ODAPH: variants seen among roughly 807,000 people sequenced by gnomAD.
ODAPH encodes amelogenesis imperfecta type IIA4.
A neutral mutation model predicts 2.8 loss-of-function variants in ODAPH; 2 were observed. The ratio of observed to expected loss-of-function variants is 0.72; its 90% CI spans 0.30 to 2.28. The LOEUF (loss-of-function observed/expected upper bound fraction) is 2.28, where lower values mean the gene tolerates loss of function less well. ODAPH is among the 30% of genes most tolerant of loss of function. ODAPH has a pLI of 0.13. For synonymous variants in ODAPH, 75 were observed against 60.3 expected (o/e 1.24, Z -1.13); for missense variants, 159 against 163.3 (o/e 0.97, Z 0.14).
intron 1 of ODAPH, 136 bp from the exon 2 acceptor site, chr4:75,563,978 G>A (rs898589008): frequency 5.4e-6 from 4 of 740,120 alleles, no homozygotes; most frequent in African/African-American, 3.5e-5. Context: ...TTCATTGAAC[G>A]TTGGCAGTTC....
intron 1 of ODAPH, chr4:75,563,090 T>A (rs375069567): frequency 7.6e-6 from 1 of 132,152 alleles, no homozygotes; most frequent in East Asian, 2.5e-4. Context: ...AGTGGCACGA[T>A]CTTCGGCTCA....
At chr4:75,556,213 AC>A in intron 1 of ODAPH, 64 bp downstream of exon 1, 2 of 1,454,218 alleles carry the variant, frequency 1.4e-6, no homozygotes. Context: ...AAAAGACAAA[AC>A]TGGCTCCATG....
intron 1 of ODAPH, among the ~76,000 whole-genome samples, chr4:75,561,263 T>C (rs1286062519): frequency 6.8e-6 from 1 of 147,830 alleles, no homozygotes; most frequent in Non-Finnish European, 1.5e-5. Context: ...GCTTCTCTCC[T>C]AGCGACTAGA....
intron 1 of ODAPH, among the ~76,000 whole-genome samples, chr4:75,559,923 TCA>T (rs1727492213): frequency 6.6e-6 from 1 of 152,172 alleles, no homozygotes; most frequent in South Asian, 2.1e-4. Context: ...GAAAGTGGAC[TCA>T]CAGGGTGCTA....
At position 75,556,141 on chromosome 4, in the gene ODAPH, T is replaced by C. The variant is rs1454944446; in HGVS notation, c.59T>C (p.Val20Ala). ...CTGGTATGCTGGTTGGTGGTAACTGTGGCAGAAGGTAAGGGTTTTGCTTTT... is the reference window on the plus strand; with the variant it reads ...CTGGTATGCTGGTTGGTGGTAACTGCGGCAGAAGGTAAGGGTTTTGCTTTT... ...WLLVCWLVVT[V>A]AEGQEEVFTP... The change falls in exon 1 of 2, where the codon GTG becomes GCG. Residue 20 changes from valine to alanine, a missense_variant. Transcript: ENST00000311623. 1 of 1,614,084 alleles carries C rather than the reference T, an allele frequency of 6.2e-7. No homozygotes were observed. Among genetic ancestry groups the C allele is most frequent in the African/African-American group, 1.3e-5 (1 of 74,942 alleles).
chr4:75,563,005 C>CTTTTTTTTTTTTTTTTTTTT (rs542417085), intron 1 of ODAPH, among the ~76,000 whole-genome samples: 1 of 59,536 alleles, frequency 1.7e-5, no homozygotes, highest in African/African-American at 6.3e-5. Context: ...ATCCACACAT[C>CTTTTTTTTTTTTTTTTTTTT]TTTTTTTTTT....
chr4:75,561,048 T>C (rs1319583583), intron 1 of ODAPH, among the ~76,000 whole-genome samples: 4 of 151,814 alleles, frequency 2.6e-5, no homozygotes, highest in African/African-American at 4.8e-5. Flanking sequence ...AAACCTCGTC[T>C]CTACTAAAAG....
chr4:75,563,999 A>G, intron 1 of ODAPH, 115 bp from the exon 2 acceptor site: 2 of 903,184 alleles, frequency 2.2e-6, no homozygotes, highest in Non-Finnish European at 3.5e-6. Flanking sequence ...TTTCAAATAT[A>G]CATTGAGATT....
rs756386294 is a variant in ODAPH at position 75,564,497 on chromosome 4, G to T, written c.*58G>T. 6.2e-7 allele frequency: 1 copy of T among 1,612,824 alleles called. No individual in the cohort carries two copies. The highest frequency in any genetic ancestry group is 8.5e-7 in the Non-Finnish European group (1 of 1,179,896). On this transcript the variant is annotated 3_prime_UTR_variant, in exon 2 of 2. Coordinates refer to ENST00000311623, the MANE Select transcript of ODAPH (RefSeq NM_178497.5). ...AAAAAAGCCTATCCTTCAGAAAAAA[G>T]CAACAAAAAGATTTCTGTTTTATCT...
In ODAPH at chr4:75,556,131, G is replaced by GTATGC. The variant is rs775736510; in HGVS notation, c.50_51insATGCT (p.Val18CysfsTer3). On this transcript the variant is annotated frameshift_variant, in exon 1 of 2. Transcript: ENST00000311623. LOFTEE classifies it low-confidence loss of function (END_TRUNC). Reference sequence around the variant, plus strand: ...CTACTGGTTACTGGTATGCTGGTTGGTGGTAACTGTGGCAGAAGGTAAGGG... The same window carrying GTATGC: ...CTACTGGTTACTGGTATGCTGGTTGGTATGCTGGTAACTGTGGCAGAAGGTAAGGG... The GTATGC allele has an allele frequency of 2.1e-4, 337 of 1,614,062 alleles. No individual in the cohort carries two copies. Among genetic ancestry groups the GTATGC allele is most frequent in the Non-Finnish European group, 2.6e-4 (304 of 1,180,024 alleles).
intron 1 of ODAPH, among the ~76,000 whole-genome samples, chr4:75,558,615 A>G (rs1727440273): frequency 6.6e-6 from 1 of 152,212 alleles, no homozygotes; most frequent in Non-Finnish European, 1.5e-5. Context: ...ACTATAATAA[A>G]CCACCTTAAA....
chr4:75,562,387 T>G (rs1429007864), intron 1 of ODAPH, among the ~76,000 whole-genome samples: 1 of 151,000 alleles, frequency 6.6e-6, no homozygotes, highest in Non-Finnish European at 1.5e-5. Flanking sequence ...TTGCCCAGGC[T>G]GGAGTGCAAT....
chr4:75,558,509 T>C (rs1677541853), intron 1 of ODAPH, among the ~76,000 whole-genome samples: 1 of 135,894 alleles, frequency 7.4e-6, no homozygotes, highest in Admixed American at 7.4e-5. Context: ...GTATAGGTAA[T>C]TATAAAAAAA....
chr4:75,559,852 A>T (rs1727489414), intron 1 of ODAPH, among the ~76,000 whole-genome samples: 1 of 152,256 alleles, frequency 6.6e-6, no homozygotes, highest in African/African-American at 2.4e-5. Flanking sequence ...GGTCACGTAG[A>T]TCTTTCAGTG....
intron 1 of ODAPH, among the ~76,000 whole-genome samples, chr4:75,561,087 G>A (rs1368310888): frequency 6.6e-6 from 1 of 152,092 alleles, no homozygotes; most frequent in East Asian, 1.9e-4. Context: ...AGCCGGGCGT[G>A]GTGGCGCGCG....
chr4:75,564,826 C>T (rs1000094572), downstream of ODAPH: 4 of 376,090 alleles, frequency 1.1e-5, no homozygotes, highest in African/African-American at 6.3e-5. Context: ...CACGAAGAAA[C>T]TGATGACACC....
At chr4:75,561,027 C>A (rs1006731332) in intron 1 of ODAPH, among the ~76,000 whole-genome samples, 1 of 152,050 alleles carries the variant, frequency 6.6e-6, no homozygotes, top group Non-Finnish European at 1.5e-5. Flanking sequence ...ACCAGCCTGG[C>A]TAACACGGTG....
chr4:75,564,916 C>A, downstream of ODAPH: 1 of 210,936 alleles, frequency 4.7e-6, no homozygotes, highest in Non-Finnish European at 9.5e-6. Context: ...AAGCTTAAAG[C>A]AATTAAAAAG....
chr4:75,558,773 G>T (rs989829240), intron 1 of ODAPH, among the ~76,000 whole-genome samples: 1 of 152,154 alleles, frequency 6.6e-6, no homozygotes, highest in African/African-American at 2.4e-5. Flanking sequence ...TCAGCTCACT[G>T]CAACCTCCGC....
Sources: gnomAD v4.1 joint callset for allele counts (sites outside exome capture counted in the v4.1 genomes callset) on GRCh38, gnomAD v4.1.1 for gene constraint, MANE v1.5 for transcripts, NCBI Gene and HGNC (gene_info 2026-07-23, HGNC 2026-07-21) for gene names.